CDH18: variants seen among roughly 807,000 people sequenced by gnomAD.
The protein encoded by CDH18 is cadherin 18, also known as cadherin-18.
CDH18 carries 31 observed loss-of-function variants against 67.9 expected under a neutral mutation model. The observed-to-expected ratio is 0.46, with a 90% CI of 0.34 to 0.62. The LOEUF (loss-of-function observed/expected upper bound fraction) is 0.62. Ranked by LOEUF, CDH18 falls within the 20% of genes least tolerant of loss-of-function variation. The probability of loss-of-function intolerance (pLI) is 0.01; values close to 1 mark genes in which losing one functional copy is unlikely to be tolerated. For synonymous variants in CDH18, 362 were observed against 347.2 expected (o/e 1.04, Z -0.48); for missense variants, 890 against 975.5 (o/e 0.91, Z 1.17).
At position 20,141,214 on chromosome 5, in the gene CDH18, A is replaced by G. The variant is rs981266397; in HGVS notation, c.-518+114230T>C. ...CTACAAGTTGTTTCTTGAAAACACG[A>G]AAGTAGATCTATGCATCTAAAAGAT... is the stretch of plus-strand genomic sequence containing the variant. On this transcript the variant is annotated intron_variant, in intron 2 of 14. Transcript: ENST00000507958. Among the ~76,000 whole-genome samples, 3 of 152,218 alleles carry G rather than the reference A, an allele frequency of 2.0e-5. No homozygotes were observed. In the South Asian group the frequency reaches 6.2e-4, roughly 32 times the overall value.
intron 2 of CDH18, among the ~76,000 whole-genome samples, chr5:19,867,362 T>C (rs958316719): frequency 3.9e-5 from 6 of 152,170 alleles, no homozygotes; most frequent in African/African-American, 1.4e-4. Context: ...TGGAATTAGA[T>C]ATACAGATAT....
At chr5:20,410,567 A>C (rs918267596) in intron 1 of CDH18, among the ~76,000 whole-genome samples, 1 of 151,704 alleles carries the variant, frequency 6.6e-6, no homozygotes, top group Admixed American at 6.6e-5. Flanking sequence ...TGAAAACTTG[A>C]AAGCTATTCT....
At chr5:20,380,513 C>A (rs180963384) in intron 1 of CDH18, among the ~76,000 whole-genome samples, 1 of 152,084 alleles carries the variant, frequency 6.6e-6, no homozygotes, top group African/African-American at 2.4e-5. Flanking sequence ...GTTTTTAGCA[C>A]GTAATTTTGT....
At chr5:20,406,476 A>C (rs182260252) in intron 1 of CDH18, among the ~76,000 whole-genome samples, 2 of 152,192 alleles carry the variant, frequency 1.3e-5, no homozygotes, top group African/African-American at 4.8e-5. Context: ...TACCTAATGT[A>C]AATGACGAGT....
At chr5:20,058,850 C>T (rs926993455) in intron 2 of CDH18, among the ~76,000 whole-genome samples, 1 of 152,152 alleles carries the variant, frequency 6.6e-6, no homozygotes, top group Admixed American at 6.6e-5. Flanking sequence ...ATGACAGTTG[C>T]AGTTCTAATT....
intron 5 of CDH18, among the ~76,000 whole-genome samples, chr5:19,707,093 A>C (rs1764063930): frequency 1.3e-5 from 2 of 152,130 alleles, no homozygotes; most frequent in Admixed American, 6.6e-5. Flanking sequence ...ATCAACAGCC[A>C]ATTTGGGCAC....
At chr5:19,850,400 T>C (rs1475609277) in intron 2 of CDH18, among the ~76,000 whole-genome samples, 1 of 151,852 alleles carries the variant, frequency 6.6e-6, no homozygotes, top group African/African-American at 2.4e-5. Flanking sequence ...AAATAATGTT[T>C]AGGGTAGATG....
intron 2 of CDH18, among the ~76,000 whole-genome samples, chr5:19,841,107 C>T (rs943302284): frequency 6.6e-6 from 1 of 151,986 alleles, no homozygotes; most frequent in East Asian, 1.9e-4. Flanking sequence ...CTGAGTATTT[C>T]GCTCCTTAAA....
intron 1 of CDH18, among the ~76,000 whole-genome samples, chr5:20,277,014 G>A (rs547747004): frequency 1.3e-5 from 2 of 152,116 alleles, no homozygotes; most frequent in Non-Finnish European, 2.9e-5. Flanking sequence ...TAGAGCACCA[G>A]GTACATTCCT....
intron 1 of CDH18, among the ~76,000 whole-genome samples, chr5:20,521,862 A>C (rs997569874): frequency 1.3e-5 from 2 of 152,096 alleles, no homozygotes; most frequent in Non-Finnish European, 2.9e-5. Context: ...ATGTTTTTTG[A>C]CAGTGAAACT....
chr5:19,531,376 G>A (rs1748588685), intron 9 of CDH18, among the ~76,000 whole-genome samples: 1 of 151,792 alleles, frequency 6.6e-6, no homozygotes, highest in Non-Finnish European at 1.5e-5. Flanking sequence ...ATTTCTCTGT[G>A]GTGAAATGCA....
intron 1 of CDH18, among the ~76,000 whole-genome samples, chr5:20,343,437 C>T (rs1740433818): frequency 6.6e-6 from 1 of 152,082 alleles, no homozygotes; most frequent in Non-Finnish European, 1.5e-5. Context: ...ATGCCATGTC[C>T]CCCTGAGGAA....
At chr5:20,360,669 A>G (rs1480889001) in intron 1 of CDH18, among the ~76,000 whole-genome samples, 2 of 152,258 alleles carry the variant, frequency 1.3e-5, no homozygotes, top group Non-Finnish European at 2.9e-5. Flanking sequence ...AAGATGACAC[A>G]ATTAGCAGAT....
intron 11 of CDH18, among the ~76,000 whole-genome samples, chr5:19,500,096 G>T (rs1317117982): frequency 2.7e-5 from 4 of 150,454 alleles, no homozygotes; most frequent in African/African-American, 9.8e-5. Context: ...AATGTTCTGT[G>T]GGCATGTAAA....
At chr5:20,306,396 C>A (rs1736455532) in intron 1 of CDH18, among the ~76,000 whole-genome samples, 1 of 151,594 alleles carries the variant, frequency 6.6e-6, no homozygotes, top group African/African-American at 2.4e-5. Flanking sequence ...ATTGCTTAGC[C>A]CAGAAAATCC....
intron 5 of CDH18, among the ~76,000 whole-genome samples, chr5:19,685,627 G>A (rs762716088): frequency 3.3e-5 from 5 of 152,118 alleles, no homozygotes; most frequent in Non-Finnish European, 7.3e-5. Context: ...AGATATAGAC[G>A]CATCCAGGCA....
chr5:19,776,597 G>A (rs999689776), intron 3 of CDH18, among the ~76,000 whole-genome samples: 3 of 152,138 alleles, frequency 2.0e-5, no homozygotes, highest in Admixed American at 1.3e-4. Flanking sequence ...TAATGACAGT[G>A]TCATACATTG....
At chr5:19,725,192 C>T (rs1444635565) in intron 4 of CDH18, among the ~76,000 whole-genome samples, 12 of 152,032 alleles carry the variant, frequency 7.9e-5, no homozygotes, top group African/African-American at 2.2e-4. Context: ...TCCCAAAGTG[C>T]TGGGATTACA....
chr5:20,215,661 A>G lies in CDH18; in HGVS notation c.-518+39783T>C, dbSNP rs577716695. Reference sequence around the variant, plus strand: ...GGGAATACAAATCATTGTATCATAAAAGCACATGCACATGTATGTTTATTG... The same window carrying G: ...GGGAATACAAATCATTGTATCATAAGAGCACATGCACATGTATGTTTATTG... On this transcript the variant is annotated intron_variant, in intron 2 of 14. Transcript: ENST00000507958. 3.9e-4 allele frequency among the ~76,000 whole-genome samples: 59 copies of G among 152,086 alleles called. 1 individual carries two copies. The highest frequency in any genetic ancestry group is 1.2e-3 in the Admixed American group (19 of 15,226).
Sources: allele counts gnomAD v4.1 joint callset (sites outside exome capture counted in the v4.1 genomes callset), GRCh38; gene constraint gnomAD v4.1.1; transcripts MANE v1.5; gene names NCBI Gene and HGNC (gene_info 2026-07-23, HGNC 2026-07-21).